SLC25A40: variants seen among roughly 807,000 people sequenced by gnomAD.
SLC25A40 encodes mitochondrial glutathione transporter SLC25A40.
In SLC25A40, 41 loss-of-function variants were observed where a neutral mutation model predicts 46.5. The ratio of observed to expected loss-of-function variants is 0.88; its 90% confidence interval spans 0.69 to 1.14. The LOEUF (loss-of-function observed/expected upper bound fraction) is 1.14. Among genes scored for constraint, SLC25A40 ranks in the 50% most tolerant of loss-of-function variants. The probability of loss-of-function intolerance (pLI) is 0.00; values close to 1 mark genes in which losing one functional copy is unlikely to be tolerated. For missense variants in SLC25A40, 386 were observed against 393.6 expected, an observed-to-expected ratio of 0.98 and a Z score of 0.16; for synonymous variants, 126 against 127.5, an observed-to-expected ratio of 0.99 and a Z score of 0.08.
Position 87,846,999 on chromosome 7 carries a change from G to A in SLC25A40, c.581C>T (p.Ser194Phe). Residue 194 changes from serine (S) to phenylalanine (F), a missense_variant, in exon 8 of 12, where the codon TCC becomes TTC. Transcript: ENST00000341119. ...SKKVSEDGWI[S>F]LWRGWAPTVL... The stretch of plus-strand genomic sequence containing the variant: ...AGTAGGAGCCCAGCCCCTCCAAAGG[G>A]AAATCCAACCATCTTCAGATACTTT... The A allele has an allele frequency of 6.2e-7, 1 of 1,613,660 alleles. No individual in the cohort carries two copies. The highest frequency in any genetic ancestry group is 1.3e-5 in the African/African-American group (1 of 75,024).
At position 87,848,048 on chromosome 7, in the gene SLC25A40, ATAT is replaced by A. The variant is rs1044260097; in HGVS notation, c.333-74_333-72del. 7.4e-6 allele frequency: 11 copies of A among 1,480,316 alleles called. No homozygotes were observed. The African/African-American group carries it at 8.7e-5, about 12-fold the overall frequency. 91.7% of individuals were successfully genotyped at this position (1,480,316 alleles called of 1,614,324 possible). On this transcript the variant is annotated intron_variant, in intron 6 of 11. Transcript: ENST00000341119. ...CCACATAGTCTTAACTTAAATTCAA[ATAT>A]TATTATATAAGCTAAAAAAGTCTTA...
At chr7:87,837,443 C>T (rs927020846) in intron 10 of SLC25A40, among the ~76,000 whole-genome samples, 2 of 150,984 alleles carry the variant, frequency 1.3e-5, no homozygotes, top group Non-Finnish European at 3.0e-5. Context: ...TGAATGGATA[C>T]GCTATTCTTG....
intron 1 of SLC25A40, among the ~76,000 whole-genome samples, chr7:87,874,043 G>C (rs1584343085): frequency 6.6e-6 from 1 of 152,092 alleles, no homozygotes; most frequent in Non-Finnish European, 1.5e-5. Context: ...TAAAAAGGAG[G>C]TTTCTATCCT....
intron 1 of SLC25A40, among the ~76,000 whole-genome samples, chr7:87,875,149 T>C (rs1584344170): frequency 6.6e-6 from 1 of 152,264 alleles, no homozygotes; most frequent in Admixed American, 6.5e-5. Context: ...TCAATAGACC[T>C]TGATGCAGAA....
At chr7:87,869,950 T>G (rs186384400) in intron 1 of SLC25A40, among the ~76,000 whole-genome samples, 1 of 152,316 alleles carries the variant, frequency 6.6e-6, no homozygotes, top group East Asian at 1.9e-4. Context: ...CTTCACATCC[T>G]TAACAACACT....
chr7:87,871,697 T>C (rs1026746742), intron 1 of SLC25A40, among the ~76,000 whole-genome samples: 3 of 152,170 alleles, frequency 2.0e-5, no homozygotes, highest in African/African-American at 7.2e-5. Context: ...TATATAGAAT[T>C]GGTTTTCATT....
rs1360990305 is a variant in SLC25A40 at position 87,843,838 on chromosome 7, A to G, written c.657T>C (p.Ile219=). 1 of 1,607,334 alleles carries G rather than the reference A, an allele frequency of 6.2e-7. No homozygotes were observed. The stretch of plus-strand genomic sequence containing the variant: ...ATTTCTCACATAACCACTTCTTTAA[A>G]ATTTCATAGTTATACCAGTACATTG... ...FSAMYWYNYE[I]LKKWLCEKSG... The change falls in exon 9 of 12, where the codon ATT becomes ATC. Residue 219 remains isoleucine, a synonymous_variant. Coordinates refer to ENST00000341119, the MANE Select transcript of SLC25A40 (RefSeq NM_018843.4).
chr7:87,864,676 T>A (rs1269963213), intron 1 of SLC25A40, among the ~76,000 whole-genome samples: 1 of 152,190 alleles, frequency 6.6e-6, no homozygotes, highest in African/African-American at 2.4e-5. Context: ...CCTTTCCCCA[T>A]CCCTTCATTT....
intron 9 of SLC25A40, among the ~76,000 whole-genome samples, chr7:87,842,729 T>G (rs765768324): frequency 2.0e-5 from 3 of 152,060 alleles, no homozygotes; most frequent in Non-Finnish European, 4.4e-5. Context: ...TTTTTTCTGT[T>G]GCAGACACAA....
intron 3 of SLC25A40, among the ~76,000 whole-genome samples, chr7:87,856,564 A>AT (rs1211408419): frequency 6.6e-6 from 1 of 152,144 alleles, no homozygotes; most frequent in Non-Finnish European, 1.5e-5. Flanking sequence ...TACTTCTCTC[A>AT]TGAGTACTAA....
At chr7:87,840,510 T>G (rs1838316416) in intron 10 of SLC25A40, among the ~76,000 whole-genome samples, 1 of 151,800 alleles carries the variant, frequency 6.6e-6, no homozygotes, top group Non-Finnish European at 1.5e-5. Flanking sequence ...AATGCCACAG[T>G]CATTAATCAT....
chr7:87,857,614 A>G (rs1392928059), intron 3 of SLC25A40, among the ~76,000 whole-genome samples: 1 of 152,240 alleles, frequency 6.6e-6, no homozygotes, highest in Admixed American at 6.5e-5. Flanking sequence ...ACCAGTTCCC[A>G]AATAATACTT....
intron 10 of SLC25A40, among the ~76,000 whole-genome samples, 154 bp downstream of exon 10, chr7:87,841,479 T>C (rs1838333552): frequency 6.6e-6 from 1 of 151,798 alleles, no homozygotes; most frequent in Non-Finnish European, 1.5e-5. Context: ...TTTTTCTGGG[T>C]ATTCCATTCT....
chr7:87,847,325 A>G lies in SLC25A40; in HGVS notation c.458-203T>C, dbSNP rs567477272. 2.5e-4 allele frequency among the ~76,000 whole-genome samples: 38 copies of G among 152,260 alleles called. No individual in the cohort carries two copies. In the East Asian group the frequency reaches 6.2e-3, roughly 25 times the overall value. On this transcript the variant is annotated intron_variant, in intron 7 of 11. Coordinates refer to ENST00000341119, the MANE Select transcript of SLC25A40 (RefSeq NM_018843.4). ...TTGACAAAGTATTTCTTAAAAATCT[A>G]TTTTCATATACTTTACTTTTTCTGG...
rs778524158 is a variant in SLC25A40 at position 87,836,262 on chromosome 7, C to T, written c.1004G>A (p.Arg335Lys). 6 of 1,584,798 alleles carry T rather than the reference C, an allele frequency of 3.8e-6. No homozygotes were observed. In the South Asian group the frequency reaches 4.6e-5, roughly 12 times the overall value. ...GAAACAGCATCACTAGTATTGCTGC[C>T]TTCGAACATTTTGTTTCTGGAAAAA... ...KAFFQKQNVR[R>K]QQY The change falls in exon 12 of 12, where the codon AGG becomes AAG. Residue 335 changes from arginine (R) to lysine (K), a missense_variant. Physicochemically the swap from Arg to Lys is conservative, Grantham distance 26 (BLOSUM62 2). Coordinates refer to ENST00000341119, the MANE Select transcript of SLC25A40 (RefSeq NM_018843.4).
intron 10 of SLC25A40, among the ~76,000 whole-genome samples, chr7:87,840,605 G>T (rs1838317786): frequency 6.9e-6 from 1 of 145,874 alleles, no homozygotes; most frequent in Admixed American, 6.8e-5. Context: ...AAATTCTGAT[G>T]AGAAGAAAAG....
At chr7:87,874,906 G>C (rs1184449703) in intron 1 of SLC25A40, among the ~76,000 whole-genome samples, 1 of 152,098 alleles carries the variant, frequency 6.6e-6, no homozygotes, top group African/African-American at 2.4e-5. Flanking sequence ...TATTTCACAT[G>C]CTCTCCTTGG....
chr7:87,836,989 A>T, intron 10 of SLC25A40, 179 bp from the exon 11 acceptor site: 1 of 357,426 alleles, frequency 2.8e-6, no homozygotes, highest in Non-Finnish European at 5.1e-6. Context: ...ATTAAAAATA[A>T]TAAACAGAAA....
intron 3 of SLC25A40, among the ~76,000 whole-genome samples, chr7:87,856,663 A>G (rs1194557106): frequency 6.6e-6 from 1 of 152,116 alleles, no homozygotes; most frequent in Non-Finnish European, 1.5e-5. Flanking sequence ...TATAAGAAGT[A>G]AAAGTTCCAA....
Sources: gnomAD v4.1 joint callset for allele counts (sites outside exome capture counted in the v4.1 genomes callset) on GRCh38, gnomAD v4.1.1 for gene constraint, MANE v1.5 for transcripts, NCBI Gene and HGNC (gene_info 2026-07-23, HGNC 2026-07-21) for gene names.